Variants in GABRB2 observed in about 807,000 individuals in gnomAD.
GABRB2 encodes the protein gamma-aminobutyric acid receptor subunit beta-2.
Under a neutral mutation model 54.7 loss-of-function variants are expected in GABRB2, and 16 were observed. The observed-to-expected ratio is 0.29, with a 90% CI of 0.20 to 0.44. The LOEUF is 0.44. Ranked by LOEUF, GABRB2 falls within the 20% of genes least tolerant of loss-of-function variation. The probability of loss-of-function intolerance (pLI) is 1.00; values close to 1 mark genes in which losing one functional copy is unlikely to be tolerated. For missense variants in GABRB2, 355 were observed against 644.0 expected, an observed-to-expected ratio of 0.55 and a Z score of 4.86; for synonymous variants, 244 against 233.8, an observed-to-expected ratio of 1.04 and a Z score of -0.40.
At chr5:161,464,089 T>A (rs1371948482) in intron 3 of GABRB2, among the ~76,000 whole-genome samples, 1 of 151,922 alleles carries the variant, frequency 6.6e-6, no homozygotes, top group Non-Finnish European at 1.5e-5. Context: ...AACAAAAAAA[T>A]GATAAATTGG....
intron 4 of GABRB2, among the ~76,000 whole-genome samples, chr5:161,421,153 A>G (rs1756835723): frequency 6.6e-6 from 1 of 152,202 alleles, no homozygotes; most frequent in African/African-American, 2.4e-5. Flanking sequence ...TAGGCACTTT[A>G]GTGCATTCAG....
At chr5:161,423,606 T>C (rs1756914428) in intron 4 of GABRB2, among the ~76,000 whole-genome samples, 1 of 152,128 alleles carries the variant, frequency 6.6e-6, no homozygotes, top group South Asian at 2.1e-4. Context: ...TAATAGAATG[T>C]TTGTTTTATG....
intron 4 of GABRB2, among the ~76,000 whole-genome samples, chr5:161,446,538 C>A (rs1410216175): frequency 6.6e-6 from 1 of 152,100 alleles, no homozygotes; most frequent in African/African-American, 2.4e-5. Flanking sequence ...ATTAAATCAT[C>A]ATGAAAGGCA....
chr5:161,408,125 C>T (rs1254272495), intron 5 of GABRB2, among the ~76,000 whole-genome samples: 1 of 151,912 alleles, frequency 6.6e-6, no homozygotes, highest in African/African-American at 2.4e-5. Context: ...ATTGAGTATC[C>T]TTAATCCAAA....
At chr5:161,451,930 A>G (rs966822245) in intron 4 of GABRB2, among the ~76,000 whole-genome samples, 3 of 152,188 alleles carry the variant, frequency 2.0e-5, no homozygotes, top group African/African-American at 7.2e-5. Flanking sequence ...TAGTTTCTAA[A>G]TAGTCAATAA....
At chr5:161,394,052 G>A (rs1341709757) in intron 5 of GABRB2, among the ~76,000 whole-genome samples, 2 of 151,914 alleles carry the variant, frequency 1.3e-5, no homozygotes, top group Admixed American at 6.6e-5. Context: ...GTTAAAAATT[G>A]TTAAGATTAC....
intron 4 of GABRB2, among the ~76,000 whole-genome samples, chr5:161,414,615 A>C (rs1413976280): frequency 2.6e-5 from 4 of 152,128 alleles, no homozygotes; most frequent in Non-Finnish European, 1.5e-5. Context: ...ATATACAACA[A>C]ACTTGCATCT....
chr5:161,311,283 C>G (rs897409013), intron 9 of GABRB2, among the ~76,000 whole-genome samples: 12 of 152,144 alleles, frequency 7.9e-5, no homozygotes, highest in Non-Finnish European at 1.8e-4. Context: ...GCTGAGTAAC[C>G]CTGGCTTCTT....
At chr5:161,395,596 C>T (rs1214238255) in intron 5 of GABRB2, among the ~76,000 whole-genome samples, 2 of 152,008 alleles carry the variant, frequency 1.3e-5, no homozygotes, top group Non-Finnish European at 2.9e-5. Context: ...AGAAATGTTA[C>T]AGGTACTTTG....
chr5:161,331,859 A>T (rs1462912707), intron 7 of GABRB2, among the ~76,000 whole-genome samples: 1 of 152,098 alleles, frequency 6.6e-6, no homozygotes, highest in Non-Finnish European at 1.5e-5. Flanking sequence ...AGAAGCAGGC[A>T]TGGCAGGAGT....
At chr5:161,483,344 G>A (rs1394628167) in intron 3 of GABRB2, among the ~76,000 whole-genome samples, 6 of 151,838 alleles carry the variant, frequency 4.0e-5, no homozygotes, top group Non-Finnish European at 8.8e-5. Context: ...CATATTTCCA[G>A]GGATGAACAG....
chr5:161,392,634 G>A (rs1222766268), intron 5 of GABRB2, among the ~76,000 whole-genome samples: 1 of 152,178 alleles, frequency 6.6e-6, no homozygotes, highest in Non-Finnish European at 1.5e-5. Context: ...ATCTGGAAAT[G>A]TCATTACTGA....
At chr5:161,536,659 C>T (rs562077902) in intron 3 of GABRB2, among the ~76,000 whole-genome samples, 7 of 152,282 alleles carry the variant, frequency 4.6e-5, no homozygotes, top group Admixed American at 3.3e-4. Flanking sequence ...TGCAGTGGCA[C>T]GATCTCGGCT....
intron 5 of GABRB2, among the ~76,000 whole-genome samples, chr5:161,342,339 T>A (rs1392214420): frequency 6.6e-6 from 1 of 152,038 alleles, no homozygotes; most frequent in Non-Finnish European, 1.5e-5. Context: ...TCCATTTGTA[T>A]TTAAAATGTT....
upstream of GABRB2, chr5:161,546,890 C>G (rs1761005415): frequency 1.6e-6 from 1 of 634,408 alleles, no homozygotes; most frequent in South Asian, 3.4e-5. Flanking sequence ...AAAAGTCACC[C>G]CACAGCAGCA....
At chr5:161,461,169 T>G (rs1180083355) in intron 3 of GABRB2, among the ~76,000 whole-genome samples, 1 of 152,168 alleles carries the variant, frequency 6.6e-6, no homozygotes, top group Non-Finnish European at 1.5e-5. Flanking sequence ...AGTTTGTAAA[T>G]GAGAATCCTA....
chr5:161,302,632 T>C (rs775191485), intron 9 of GABRB2, among the ~76,000 whole-genome samples: 3 of 152,206 alleles, frequency 2.0e-5, no homozygotes, highest in Non-Finnish European at 4.4e-5. Context: ...AATTTCCAGT[T>C]ACTGTGACTT....
At position 161,293,981 on chromosome 5, in the gene GABRB2, C is replaced by T. The variant is rs1757304496; in HGVS notation, c.*100G>A. The T allele has an allele frequency of 1.1e-6, 1 of 912,170 alleles. No homozygotes were observed. Among genetic ancestry groups the T allele is most frequent in the African/African-American group, 1.7e-5 (1 of 59,544 alleles). 56.5% of individuals were successfully genotyped at this position (912,170 alleles called of 1,614,324 possible). A position where few individuals can be genotyped will look rare whatever the true frequency, so the allele number is the denominator to read the frequency against. The stretch of plus-strand genomic sequence containing the variant: ...GCCAGCAACTAAGGTATTTTAGCGT[C>T]ACTTTTGTCCTGGATTGATGTGTTT... On this transcript the variant is annotated 3_prime_UTR_variant, in exon 10 of 10. Transcript: ENST00000393959.
chr5:161,493,422 G>A (rs1362110024), intron 3 of GABRB2, among the ~76,000 whole-genome samples: 4 of 151,630 alleles, frequency 2.6e-5, no homozygotes, highest in Non-Finnish European at 5.9e-5. Flanking sequence ...GTTTTGCCAT[G>A]TAGCTACTAA....
Sources: gnomAD v4.1 joint callset for allele counts (sites outside exome capture counted in the v4.1 genomes callset) on GRCh38, gnomAD v4.1.1 for gene constraint, MANE v1.5 for transcripts, NCBI Gene and HGNC (gene_info 2026-07-23, HGNC 2026-07-21) for gene names.